RFC3: variants seen among roughly 807,000 people sequenced by gnomAD.
The protein encoded by RFC3 is replication factor C subunit 3, also known as A1 38 kDa subunit.
In RFC3, 41 loss-of-function variants were observed where a neutral mutation model predicts 45.1. The ratio of observed to expected loss-of-function variants is 0.91; its 90% confidence interval spans 0.71 to 1.18. The LOEUF (loss-of-function observed/expected upper bound fraction) is 1.18, where lower values mean the gene tolerates loss of function less well. Ranked by LOEUF, RFC3 falls within the 50% of genes most tolerant of loss-of-function variation. RFC3 has a pLI of 0.00. For synonymous variants in RFC3, 149 were observed against 144.0 expected (o/e 1.03, Z -0.25); for missense variants, 423 against 428.1 (o/e 0.99, Z 0.10).
chr13:33,858,120 C>T (rs756290742), intron 8 of RFC3, among the ~76,000 whole-genome samples: 10 of 152,250 alleles, frequency 6.6e-5, no homozygotes, highest in Middle Eastern at 6.8e-3. Context: ...ATAACCATCT[C>T]GGAAGCTGAG....
chr13:33,968,491 C>G (rs1020178072), downstream of RFC3, among the ~76,000 whole-genome samples: 1 of 152,188 alleles, frequency 6.6e-6, no homozygotes, highest in Non-Finnish European at 1.5e-5. Flanking sequence ...ACTAAATGAT[C>G]AACGAGTAAG....
chr13:33,828,411 A>G (rs2082071338), intron 4 of RFC3, among the ~76,000 whole-genome samples: 2 of 152,274 alleles, frequency 1.3e-5, no homozygotes, highest in South Asian at 4.1e-4. Context: ...CACCTGGAAC[A>G]CTGTCTTAGA....
chr13:33,826,893 G>A (rs906811418), intron 4 of RFC3, among the ~76,000 whole-genome samples: 1 of 152,078 alleles, frequency 6.6e-6, no homozygotes, highest in African/African-American at 2.4e-5. Context: ...AGATGTCCAT[G>A]TCATGACTCT....
intron 8 of RFC3, among the ~76,000 whole-genome samples, chr13:33,962,277 T>C (rs1468233959): frequency 2.0e-5 from 3 of 152,104 alleles, no homozygotes; most frequent in African/African-American, 7.2e-5. Flanking sequence ...AGAAAGGAGA[T>C]CAAAAACACA....
In RFC3 at chr13:33,872,181, T is replaced by C. The variant is rs74979268; in HGVS notation, c.879+36964T>C. On this transcript the variant is annotated intron_variant, in intron 8 of 8. Coordinates refer to the RFC3 transcript ENST00000434425. ...TGGTAATGAAAGCTTATTCATAATCTTAAATACGATGTAAGTGGCTGAATT... is the reference window on the plus strand; with the variant it reads ...TGGTAATGAAAGCTTATTCATAATCCTAAATACGATGTAAGTGGCTGAATT... Among the ~76,000 whole-genome samples, 329 of 152,244 alleles carry C rather than the reference T, an allele frequency of 2.2e-3. 12 individuals are homozygous for C. The East Asian group carries it at 0.055, about 26-fold the overall frequency.
At position 33,831,472 on chromosome 13, in the gene RFC3, A is replaced by C. The variant is rs2082103538; in HGVS notation, c.809+118A>C. On this transcript the variant is annotated intron_variant, in intron 7 of 8. Coordinates refer to ENST00000380071, the MANE Select transcript of RFC3 (RefSeq NM_002915.4). ...TAATTAAATCCTGAATCTATGTATT[A>C]ACTTTTTAAGGAAAATGTAGCATTT... 2.1e-5 allele frequency: 13 copies of C among 606,552 alleles called. No homozygotes were observed. In the South Asian group the frequency reaches 2.6e-4, roughly 12 times the overall value. 37.6% of individuals were successfully genotyped at this position (606,552 alleles called of 1,614,324 possible). A position where few individuals can be genotyped will look rare whatever the true frequency, so the allele number is the denominator to read the frequency against.
intron 8 of RFC3, among the ~76,000 whole-genome samples, chr13:33,896,711 C>CAAAAA (rs56129519): frequency 3.3e-4 from 14 of 42,116 alleles, no homozygotes; most frequent in African/African-American, 5.9e-4. Context: ...GACTTTGTCT[C>CAAAAA]AAAAAAAAAA....
chr13:33,867,865 T>C lies in RFC3; in HGVS notation c.879+32648T>C, dbSNP rs192676898. On this transcript the variant is annotated intron_variant, in intron 8 of 8. Transcript: ENST00000434425. ...CACGTTATGTATACATTGGTATATT[T>C]TGACTAATTTTCTTTGTCTTTCCTT... Among the ~76,000 whole-genome samples the C allele has an allele frequency of 4.6e-5, 7 of 152,370 alleles. No homozygotes were observed. The East Asian group carries it at 1.3e-3, about 29-fold the overall frequency.
chr13:33,838,861 T>C (rs1026221054), downstream of RFC3, among the ~76,000 whole-genome samples: 4 of 152,320 alleles, frequency 2.6e-5, no homozygotes, highest in African/African-American at 9.6e-5. Context: ...GATTCTCTTT[T>C]GTTTTTCTGA....
intron 8 of RFC3, among the ~76,000 whole-genome samples, chr13:33,958,099 G>A (rs1381830980): frequency 6.6e-6 from 1 of 152,192 alleles, no homozygotes; most frequent in Non-Finnish European, 1.5e-5. Context: ...TAAAAAGCAG[G>A]TGGTTCCATG....
chr13:33,885,716 T>G (rs2082516853), intron 8 of RFC3, among the ~76,000 whole-genome samples: 2 of 152,160 alleles, frequency 1.3e-5, no homozygotes, highest in African/African-American at 4.8e-5. Context: ...CAAGTGCAGT[T>G]TTAGAAGAAA....
chr13:33,914,327 C>T (rs1020556933), intron 8 of RFC3, among the ~76,000 whole-genome samples: 1 of 152,100 alleles, frequency 6.6e-6, no homozygotes, highest in Admixed American at 6.6e-5. Context: ...TCTATCCATT[C>T]ATTCTGCCAA....
intron 1 of RFC3, among the ~76,000 whole-genome samples, chr13:33,819,893 A>G (rs916890895): frequency 2.0e-5 from 3 of 152,226 alleles, no homozygotes; most frequent in Non-Finnish European, 4.4e-5. Flanking sequence ...TGAAGTTGAA[A>G]AAACAAGGCA....
intron 8 of RFC3, among the ~76,000 whole-genome samples, chr13:33,926,258 A>G (rs1473427366): frequency 6.6e-6 from 1 of 151,236 alleles, no homozygotes; most frequent in African/African-American, 2.4e-5. Context: ...ACCTAATGCT[A>G]CATGACGAGT....
chr13:33,926,912 A>G lies in RFC3; in HGVS notation c.880-39175A>G, dbSNP rs985851941. On this transcript the variant is annotated intron_variant, in intron 8 of 8. Coordinates refer to the RFC3 transcript ENST00000434425. Reference sequence around the variant, plus strand: ...GCTCATTCTGAGAGGAAATGATTATATTTGATTTTGAGAATTTTGCATTTG... The same window carrying G: ...GCTCATTCTGAGAGGAAATGATTATGTTTGATTTTGAGAATTTTGCATTTG... Among the ~76,000 whole-genome samples, 15 of 151,442 alleles carry G rather than the reference A, an allele frequency of 9.9e-5. 1 individual carries two copies. Among genetic ancestry groups the G allele is most frequent in the Non-Finnish European group, 2.9e-5 (2 of 67,858 alleles).
chr13:33,889,728 C>T (rs2082551883), intron 8 of RFC3, among the ~76,000 whole-genome samples: 1 of 152,230 alleles, frequency 6.6e-6, no homozygotes, highest in Admixed American at 6.5e-5. Flanking sequence ...CTCCAATCCC[C>T]AGCCTCTGGT....
rs149559867 is a variant in RFC3, at chr13:33,872,977, T to C, written c.879+37760T>C. Among the ~76,000 whole-genome samples, 797 of 152,302 alleles carry C rather than the reference T, an allele frequency of 5.2e-3. 5 individuals are homozygous for C. Among genetic ancestry groups the C allele is most frequent in the African/African-American group, 0.018 (757 of 41,572 alleles). On this transcript the variant is annotated intron_variant, in intron 8 of 8. Transcript: ENST00000434425. ...TGAAAGAGCCAATTAACTTTTAAAG[T>C]TGGGCTAAACAACCTAGGCCTGTGA... is the stretch of plus-strand genomic sequence containing the variant.
chr13:33,828,898 G>A (rs576157708), intron 4 of RFC3, among the ~76,000 whole-genome samples: 28 of 152,270 alleles, frequency 1.8e-4, no homozygotes, highest in African/African-American at 6.3e-4. Flanking sequence ...GTGATTTTGA[G>A]CTTTTCCTGT....
chr13:33,881,902 T>C (rs2082487359), intron 8 of RFC3, among the ~76,000 whole-genome samples: 1 of 152,236 alleles, frequency 6.6e-6, no homozygotes, highest in African/African-American at 2.4e-5. Flanking sequence ...AGGAGCACTG[T>C]GGTATAAAGA....
Sources: allele counts gnomAD v4.1 joint callset (sites outside exome capture counted in the v4.1 genomes callset), GRCh38; gene constraint gnomAD v4.1.1; transcripts MANE v1.5; gene names NCBI Gene and HGNC (gene_info 2026-07-23, HGNC 2026-07-21).